PCDHA4: variants seen among roughly 807,000 people sequenced by gnomAD.
PCDHA4 encodes the protein protocadherin alpha-4.
PCDHA4 carries 49 observed loss-of-function variants against 61.4 expected under a neutral mutation model. That is an observed-to-expected ratio of 0.80 (90% CI 0.63 to 1.01). The LOEUF (loss-of-function observed/expected upper bound fraction) is 1.01, where lower values mean the gene tolerates loss of function less well. Among genes scored for constraint, PCDHA4 ranks in the 50% least tolerant of loss-of-function variants. The pLI, the probability that PCDHA4 is intolerant of heterozygous loss-of-function variation, is 0.00. For synonymous variants in PCDHA4, 590 were observed against 550.3 expected, an observed-to-expected ratio of 1.07 and a Z score of -1.01; for missense variants, 1,254 against 1,235.8, an observed-to-expected ratio of 1.01 and a Z score of -0.22.
intron 1 of PCDHA4, chr5:140,882,615 T>A (rs1554174850): frequency 6.2e-7 from 1 of 1,614,020 alleles, no homozygotes; most frequent in South Asian, 1.1e-5. Flanking sequence ...CCTCTGCAGG[T>A]TTTCCATGTG....
intron 1 of PCDHA4, chr5:140,828,537 A>G: frequency 6.2e-7 from 1 of 1,614,236 alleles, no homozygotes; most frequent in Non-Finnish European, 8.5e-7. Flanking sequence ...AGGCTGCCAG[A>G]TTCTGTGTTT....
chr5:140,838,756 G>A (rs1775869518), intron 1 of PCDHA4, among the ~76,000 whole-genome samples: 1 of 151,874 alleles, frequency 6.6e-6, no homozygotes, highest in Non-Finnish European at 1.5e-5. Context: ...TGCATCTTTT[G>A]TAGAGACTTT....
At chr5:140,833,066 C>T (rs2150205911) in intron 1 of PCDHA4, among the ~76,000 whole-genome samples, 8 of 152,126 alleles carry the variant, frequency 5.3e-5, no homozygotes, top group Non-Finnish European at 8.8e-5. Context: ...TGAGAAAAAC[C>T]TTTTGTATAA....
intron 1 of PCDHA4, among the ~76,000 whole-genome samples, chr5:140,821,088 C>G (rs2150108660): frequency 6.6e-6 from 1 of 151,814 alleles, no homozygotes; most frequent in South Asian, 2.1e-4. Context: ...TTGAAAATAA[C>G]ATCAACAAAA....
chr5:140,824,240 TG>T (rs2150133455), intron 1 of PCDHA4: 160 of 1,495,102 alleles, frequency 1.1e-4, no homozygotes, highest in Middle Eastern at 6.9e-4. Flanking sequence ...ACAAATATTG[TG>T]GTACACAATT....
chr5:140,861,728 A>G (rs2047042358), intron 1 of PCDHA4: 1 of 191,386 alleles, frequency 5.2e-6, no homozygotes, highest in Non-Finnish European at 1.1e-5. Context: ...TGCTCTGATG[A>G]CTTACATACT....
chr5:140,827,336 A>G lies in PCDHA4; in HGVS notation c.2385+17764A>G, dbSNP rs2150147176. On this transcript the variant is annotated intron_variant, in intron 1 of 3. Coordinates refer to ENST00000530339, the MANE Select transcript of PCDHA4 (RefSeq NM_018907.4). ...AATTCCACTAGAATTTGAAGTGGTG[A>G]AGTATATGAAAAGAAAATATTTTAA... Among the ~76,000 whole-genome samples the G allele has an allele frequency of 1.1e-4, 16 of 152,330 alleles. No homozygotes were observed. The South Asian group carries it at 2.3e-3, about 22-fold the overall frequency.
At chr5:140,836,424 C>G (rs2150260544) in intron 1 of PCDHA4, 1 of 1,613,814 alleles carries the variant, frequency 6.2e-7, no homozygotes, top group Non-Finnish European at 8.5e-7. Context: ...GGCGTCGTCG[C>G]GGGCATCGTT....
In PCDHA4 at chr5:140,809,460, T is replaced by G. The variant is rs1554125221; in HGVS notation, c.2273T>G (p.Val758Gly). Reference sequence around the variant, plus strand: ...TACTCGCAGCAGAGGAGGCCGAGGGTGTGCTCTGGTGAGGGCCCACCCAAG... The same window carrying G: ...TACTCGCAGCAGAGGAGGCCGAGGGGGTGCTCTGGTGAGGGCCCACCCAAG... ...WSYSQQRRPRVCSGEGPPKTD... is the reference protein window; with the variant it reads ...WSYSQQRRPRGCSGEGPPKTD... Residue 758 changes from valine (V) to glycine (G), a missense_variant, in exon 1 of 4, where the codon GTG becomes GGG. Coordinates refer to ENST00000530339, the MANE Select transcript of PCDHA4 (RefSeq NM_018907.4). 6.2e-7 allele frequency: 1 copy of G among 1,614,008 alleles called. No individual in the cohort carries two copies. Among genetic ancestry groups the G allele is most frequent in the African/African-American group, 1.3e-5 (1 of 74,906 alleles).
chr5:140,853,709 T>C lies in PCDHA4; in HGVS notation c.2385+44137T>C, dbSNP rs1554146825. 2.0e-6 allele frequency: 2 copies of C among 988,258 alleles called. 1 individual carries two copies. The highest frequency in any genetic ancestry group is 2.4e-6 in the Non-Finnish European group (2 of 820,296). The allele number at this position is 988,258 out of a possible 1,614,324, so 61.2% of individuals were successfully genotyped here. A position where few individuals can be genotyped will look rare whatever the true frequency, so the allele number is the denominator to read the frequency against. On this transcript the variant is annotated intron_variant, in intron 1 of 3. Transcript: ENST00000530339. ...CCTTAGACCTGCTAACGCATTAGCA[T>C]TAGCAGCACCTAAGTCCTCATTGAA...
At chr5:140,813,645 A>C (rs183408897) in intron 1 of PCDHA4, 1 of 152,312 alleles carries the variant, frequency 6.6e-6, no homozygotes, top group Non-Finnish European at 1.5e-5. Context: ...ATTACTGTGC[A>C]CTAATGTAGA....
chr5:140,876,853 A>G, intron 1 of PCDHA4: 1 of 1,614,094 alleles, frequency 6.2e-7, no homozygotes. Context: ...GCCCGAGTAC[A>G]CAGTGTTCGT....
intron 1 of PCDHA4, chr5:140,842,516 T>C (rs2150337808): frequency 1.2e-6 from 2 of 1,613,620 alleles, no homozygotes; most frequent in East Asian, 2.2e-5. Flanking sequence ...CAAGCTGGTG[T>C]CCACCTTCAA....
chr5:140,878,040 C>T, intron 1 of PCDHA4: 1 of 533,272 alleles, frequency 1.9e-6, no homozygotes, highest in Non-Finnish European at 3.0e-6. Flanking sequence ...ACAATGGAGG[C>T]CATGGAGCAC....
chr5:140,917,154 T>C (rs1415714785), intron 1 of PCDHA4, among the ~76,000 whole-genome samples: 2 of 152,112 alleles, frequency 1.3e-5, no homozygotes, highest in East Asian at 1.9e-4. Flanking sequence ...TGCTGGGGGA[T>C]ATGGGAGGGG....
chr5:140,879,578 A>G (rs1298190690), intron 1 of PCDHA4, among the ~76,000 whole-genome samples: 4 of 152,244 alleles, frequency 2.6e-5, no homozygotes, highest in African/African-American at 9.6e-5. Context: ...AATTGCCAAG[A>G]CAGACATTGA....
At chr5:140,957,897 C>A (rs1563294637) in intron 1 of PCDHA4, among the ~76,000 whole-genome samples, 2 of 151,908 alleles carry the variant, frequency 1.3e-5, no homozygotes, top group East Asian at 3.9e-4. Context: ...TGGCATCAAC[C>A]AAGGCATATT....
At chr5:140,834,970 T>A (rs2150229489) in intron 1 of PCDHA4, 1 of 1,502,862 alleles carries the variant, frequency 6.7e-7, no homozygotes, top group Non-Finnish European at 9.0e-7. Context: ...GGACTTGTAT[T>A]ACGGAAACTT....
At chr5:140,870,920 T>G (rs782215482) in intron 1 of PCDHA4, 20 of 1,613,814 alleles carry the variant, frequency 1.2e-5, no homozygotes, top group Non-Finnish European at 3.4e-6. Flanking sequence ...AACGCGTGGC[T>G]TTCATATGAA....
Sources: allele counts gnomAD v4.1 joint callset (sites outside exome capture counted in the v4.1 genomes callset), GRCh38; gene constraint gnomAD v4.1.1; transcripts MANE v1.5; gene names NCBI Gene and HGNC (gene_info 2026-07-23, HGNC 2026-07-21).